FSTL4: variants seen among roughly 807,000 people sequenced by gnomAD.
FSTL4 encodes follistatin like 4, also known as follistatin-related protein 4.
Under a neutral mutation model 78.2 loss-of-function variants are expected in FSTL4, and 28 were observed. The observed-to-expected ratio is 0.36, with a 90% CI of 0.27 to 0.49. The LOEUF is 0.49. Ranked by LOEUF, FSTL4 falls within the 20% of genes least tolerant of loss-of-function variation. The pLI is 0.98. For missense variants in FSTL4, 922 were observed against 1,084.9 expected (o/e 0.85, Z 2.11); for synonymous variants, 422 against 440.5 (o/e 0.96, Z 0.53).
chr5:133,690,767 G>T, the FSTL4 span, among the ~76,000 whole-genome samples: 1 of 152,198 alleles, frequency 6.6e-6, no homozygotes, highest in African/African-American at 2.4e-5. Flanking sequence ...TAGAGACAGT[G>T]ACTTGCACAT....
At chr5:133,617,437 A>G (rs989703938), upstream of FSTL4, among the ~76,000 whole-genome samples, 43 of 152,208 alleles carry the variant, frequency 2.8e-4, no homozygotes, top group African/African-American at 9.9e-4. Flanking sequence ...AGGCTACTCA[A>G]TACAGCACAG....
intron 3 of FSTL4, among the ~76,000 whole-genome samples, chr5:133,540,426 T>G (rs1463556221): frequency 6.6e-6 from 1 of 152,150 alleles, no homozygotes; most frequent in African/African-American, 2.4e-5. Context: ...CTAGAAGCCC[T>G]GTTGTTCAGC....
At chr5:133,299,955 T>C (rs898016729) in intron 6 of FSTL4, among the ~76,000 whole-genome samples, 1 of 152,194 alleles carries the variant, frequency 6.6e-6, no homozygotes, top group Non-Finnish European at 1.5e-5. Flanking sequence ...GTGGCCACTA[T>C]TGCTCCTTTT....
chr5:133,794,577 ATTG>A, the FSTL4 span, among the ~76,000 whole-genome samples: 1 of 152,226 alleles, frequency 6.6e-6, no homozygotes, highest in Non-Finnish European at 1.5e-5. Context: ...TCAAGGCAGC[ATTG>A]GTAGGTAACA....
intron 6 of FSTL4, among the ~76,000 whole-genome samples, chr5:133,275,424 G>A (rs945493378): frequency 1.3e-5 from 2 of 152,146 alleles, no homozygotes; most frequent in African/African-American, 4.8e-5. Flanking sequence ...GCCAGGCGTG[G>A]TGGCGGGTGC....
At chr5:133,603,081 T>C (rs1015080057) in intron 2 of FSTL4, among the ~76,000 whole-genome samples, 6 of 152,192 alleles carry the variant, frequency 3.9e-5, no homozygotes, top group East Asian at 1.9e-4. Context: ...CATCACAGCA[T>C]AGAGAAAATC....
In FSTL4 at chr5:133,546,367, G is replaced by C. The variant is rs75055901; in HGVS notation, c.160+20819C>G. 1.1e-3 allele frequency among the ~76,000 whole-genome samples: 160 copies of C among 152,080 alleles called. 1 individual carries two copies. The East Asian group carries it at 0.014, about 13-fold the overall frequency. ...CTAAAAATACAAAAATTAGCCAGGC[G>C]TGGTGGCACGTGCCTGTAATCCCAG... On this transcript the variant is annotated intron_variant, in intron 3 of 15. Coordinates refer to ENST00000265342, the MANE Select transcript of FSTL4 (RefSeq NM_015082.2).
In FSTL4 at chr5:133,249,512, C is replaced by T; in HGVS notation, c.792G>A (p.Leu264=). The T allele has an allele frequency of 6.2e-7, 1 of 1,613,674 alleles. No individual in the cohort carries two copies. Among genetic ancestry groups the T allele is most frequent in the Non-Finnish European group, 8.5e-7 (1 of 1,179,710 alleles). The change falls in exon 7 of 16, where the codon CTG becomes CTA. Residue 264 remains leucine (L), a synonymous_variant. Transcript: ENST00000265342. ...RVSVTTVTVG[L]STVLTCAVHG... ...GGACGGCGCAGGTCAGCACTGTGCT[C>T]AGCCCCACGGTCACTGTGGTCACAC... is the stretch of plus-strand genomic sequence containing the variant.
chr5:133,327,683 G>T (rs764525027), intron 4 of FSTL4, among the ~76,000 whole-genome samples: 1 of 152,210 alleles, frequency 6.6e-6, no homozygotes, highest in Admixed American at 6.5e-5. Context: ...AGGGCTTCAG[G>T]GGGAGGAGGG....
chr5:133,564,999 G>T (rs939758904), intron 3 of FSTL4, among the ~76,000 whole-genome samples: 2 of 152,172 alleles, frequency 1.3e-5, no homozygotes, highest in Non-Finnish European at 2.9e-5. Flanking sequence ...CAATGGAGGG[G>T]ATGCTCCTGA....
At chr5:133,320,565 C>T (rs1240346475) in intron 4 of FSTL4, among the ~76,000 whole-genome samples, 3 of 152,216 alleles carry the variant, frequency 2.0e-5, no homozygotes, top group Non-Finnish European at 4.4e-5. Context: ...CAGGTGCTGT[C>T]AACACACTGC....
the FSTL4 span, among the ~76,000 whole-genome samples, chr5:133,815,917 C>T: frequency 1.3e-5 from 2 of 152,198 alleles, no homozygotes; most frequent in East Asian, 3.8e-4. Context: ...ATGCATTATA[C>T]AGACCAACAA....
intron 6 of FSTL4, among the ~76,000 whole-genome samples, chr5:133,292,942 C>T (rs543347410): frequency 6.6e-6 from 1 of 152,310 alleles, no homozygotes; most frequent in South Asian, 2.1e-4. Flanking sequence ...TTTATGATTC[C>T]AGAGAGTATT....
chr5:133,753,465 A>G, the FSTL4 span, among the ~76,000 whole-genome samples: 6 of 152,134 alleles, frequency 3.9e-5, no homozygotes, highest in African/African-American at 1.4e-4. Context: ...GGTGGCTCAC[A>G]TTGCCTGGTT....
intron 6 of FSTL4, among the ~76,000 whole-genome samples, chr5:133,275,514 C>G (rs908432274): frequency 6.7e-6 from 1 of 149,826 alleles, no homozygotes; most frequent in Non-Finnish European, 1.5e-5. Context: ...GTGCCGAGAT[C>G]GTGCCACTGC....
At chr5:133,645,363 T>C in the FSTL4 span, among the ~76,000 whole-genome samples, 1 of 152,106 alleles carries the variant, frequency 6.6e-6, no homozygotes, top group Non-Finnish European at 1.5e-5. Context: ...GCCTCGAGTG[T>C]GTGGGCAAGT....
chr5:133,567,264 A>G, intron 2 of FSTL4, 45 bp from the exon 3 acceptor site: 6 of 1,377,034 alleles, frequency 4.4e-6, no homozygotes, highest in Non-Finnish European at 6.2e-6. Context: ...AATAATTCAT[A>G]TGTACAGATA....
the FSTL4 span, among the ~76,000 whole-genome samples, chr5:133,836,922 G>C: frequency 4.6e-5 from 7 of 152,026 alleles, no homozygotes; most frequent in African/African-American, 1.7e-4. Context: ...ATGTGTCTAG[G>C]TGTATTCCTT....
chr5:133,300,255 GAC>G (rs968128867), intron 6 of FSTL4, among the ~76,000 whole-genome samples: 1 of 152,178 alleles, frequency 6.6e-6, no homozygotes, highest in African/African-American at 2.4e-5. Flanking sequence ...CTCCCACAGG[GAC>G]ACAGTCTGCT....
Sources: allele counts gnomAD v4.1 joint callset (sites outside exome capture counted in the v4.1 genomes callset), GRCh38; gene constraint gnomAD v4.1.1; transcripts MANE v1.5; gene names NCBI Gene and HGNC (gene_info 2026-07-23, HGNC 2026-07-21).